CRB1: variants seen among roughly 807,000 people sequenced by gnomAD.
CRB1 encodes the protein protein crumbs homolog 1.
A neutral mutation model predicts 120.0 loss-of-function variants in CRB1; 83 were observed. The ratio of observed to expected loss-of-function variants is 0.69; its 90% CI spans 0.58 to 0.83. CRB1 has a LOEUF of 0.83. Ranked by LOEUF, CRB1 falls within the 40% of genes least tolerant of loss-of-function variation. The probability of loss-of-function intolerance (pLI) is 0.00; values close to 1 mark genes in which losing one functional copy is unlikely to be tolerated. For synonymous variants in CRB1, 625 were observed against 612.5 expected (o/e 1.02, Z -0.30); for missense variants, 1,699 against 1,687.6 (o/e 1.01, Z -0.12).
chr1:197,417,717 C>T (rs927510), intron 5 of CRB1, among the ~76,000 whole-genome samples: 58,997 of 152,012 alleles, frequency 0.39, 14,079 homozygotes, highest in East Asian at 0.66. Context: ...GTCTCAGAAA[C>T]CATGGAGCCA....
chr1:197,214,630 A>G, the CRB1 span, among the ~76,000 whole-genome samples: 1 of 152,162 alleles, frequency 6.6e-6, no homozygotes, highest in Admixed American at 6.5e-5. Context: ...TGAATCATGT[A>G]AAAAACAAAG....
intron 5 of CRB1, chr1:197,414,058 G>A: frequency 2.6e-6 from 1 of 392,092 alleles, no homozygotes; most frequent in Non-Finnish European, 5.3e-6. Context: ...TTTTTAAGAT[G>A]TTTATTTAGC....
At chr1:197,360,974 T>TA (rs1013118974) in intron 5 of CRB1, among the ~76,000 whole-genome samples, 2 of 152,222 alleles carry the variant, frequency 1.3e-5, no homozygotes, top group Non-Finnish European at 2.9e-5. Flanking sequence ...CATAAATGGG[T>TA]ATTGCATTTG....
At chr1:197,203,510 A>G in the CRB1 span, among the ~76,000 whole-genome samples, 1 of 152,042 alleles carries the variant, frequency 6.6e-6, no homozygotes, top group Admixed American at 6.5e-5. Context: ...TTTTTAGTAG[A>G]GAGGGGCTTT....
At chr1:197,362,281 T>C (rs1287031784) in intron 5 of CRB1, among the ~76,000 whole-genome samples, 3 of 152,148 alleles carry the variant, frequency 2.0e-5, no homozygotes, top group African/African-American at 7.2e-5. Context: ...ACAATCTATC[T>C]TGGTAAATGT....
chr1:197,328,219 T>G (rs1658629969), intron 1 of CRB1, among the ~76,000 whole-genome samples: 1 of 152,214 alleles, frequency 6.6e-6, no homozygotes. Flanking sequence ...ATTATCACTA[T>G]GAAAATTATT....
At chr1:197,201,566 G>T in the CRB1 span, among the ~76,000 whole-genome samples, 1 of 152,242 alleles carries the variant, frequency 6.6e-6, no homozygotes, top group Non-Finnish European at 1.5e-5. Context: ...GCAGTGGCTC[G>T]GTGGCCTACC....
At chr1:197,430,667 G>A (rs1161526958) in intron 8 of CRB1, among the ~76,000 whole-genome samples, 1 of 151,636 alleles carries the variant, frequency 6.6e-6, no homozygotes, top group Non-Finnish European at 1.5e-5. Flanking sequence ...CCTCCAACTT[G>A]GCTTTATTTT....
At position 197,434,701 on chromosome 1, in the gene CRB1, A is replaced by C. The variant is rs1357302085; in HGVS notation, c.2843-5A>C. On this transcript the variant is annotated splice_polypyrimidine_tract_variant and splice_region_variant and intron_variant, in intron 8 of 11. Coordinates refer to ENST00000367400, the MANE Select transcript of CRB1 (RefSeq NM_201253.3). The stretch of plus-strand genomic sequence containing the variant: ...TTATTGATTATTATCACCTTCTCTC[A>C]TTAGGTATTGCAAATGCTGTTTTTA... 4.3e-6 allele frequency: 7 copies of C among 1,610,562 alleles called. No individual in the cohort carries two copies. The highest frequency in any genetic ancestry group is 5.9e-6 in the Non-Finnish European group (7 of 1,177,168).
intron 5 of CRB1, among the ~76,000 whole-genome samples, chr1:197,418,676 C>T (rs561216035): frequency 3.3e-5 from 5 of 152,106 alleles, no homozygotes; most frequent in Non-Finnish European, 7.4e-5. Flanking sequence ...GGTTTTGGAT[C>T]AGATTAAATG....
intron 9 of CRB1, among the ~76,000 whole-genome samples, 198 bp downstream of exon 9, chr1:197,435,810 G>A (rs568847082): frequency 3.3e-5 from 5 of 152,220 alleles, no homozygotes; most frequent in South Asian, 2.1e-4. Flanking sequence ...CAGAAAGGTA[G>A]TGTTTAAATC....
chr1:197,262,754 C>T, the CRB1 span, among the ~76,000 whole-genome samples: 1 of 152,070 alleles, frequency 6.6e-6, no homozygotes, highest in East Asian at 1.9e-4. Context: ...TATTTAGCTC[C>T]CACTTATAAG....
chr1:197,453,169 G>C (rs1039886005), intron 11 of CRB1, among the ~76,000 whole-genome samples: 1 of 151,482 alleles, frequency 6.6e-6, no homozygotes, highest in African/African-American at 2.4e-5. Flanking sequence ...ATCTAGAAGA[G>C]TCAAACTCCT....
chr1:197,315,105 T>C (rs1181746870), intron 1 of CRB1, among the ~76,000 whole-genome samples: 1 of 152,216 alleles, frequency 6.6e-6, no homozygotes, highest in African/African-American at 2.4e-5. Context: ...CACTGGTGTA[T>C]TTATGTGTGT....
the CRB1 span, among the ~76,000 whole-genome samples, chr1:197,241,559 T>C: frequency 6.6e-6 from 1 of 152,338 alleles, no homozygotes; most frequent in African/African-American, 2.4e-5. Context: ...CATTGGTCTA[T>C]ATATCTGTTT....
At chr1:197,202,985 G>GTGTGTC in the CRB1 span, among the ~76,000 whole-genome samples, 2 of 149,962 alleles carry the variant, frequency 1.3e-5, no homozygotes, top group African/African-American at 4.9e-5. Context: ...GTGTGTGTCT[G>GTGTGTC]TGTGTGTGTG....
chr1:197,442,581 G>A (rs1665507684), intron 11 of CRB1: 2 of 1,378,430 alleles, frequency 1.5e-6, no homozygotes, highest in South Asian at 1.6e-5. Context: ...CTTTGTCTGT[G>A]TATAAAATAT....
chr1:197,268,090 G>T (rs1470193665), upstream of CRB1: 1 of 337,536 alleles, frequency 3.0e-6, no homozygotes, highest in East Asian at 6.5e-5. Flanking sequence ...TTCTAATGTA[G>T]GCCCTTTTGA....
chr1:197,471,547 G>A lies in CRB1; in HGVS notation c.4006-6117G>A, dbSNP rs528386988. On this transcript the variant is annotated intron_variant, in intron 11 of 11. Transcript: ENST00000367400. ...CTGCTCAGAGGGAAAGGTGCCTGGT[G>A]GCTCTCTGATCGCCATCCTTTCTTC... Among the ~76,000 whole-genome samples, 3 of 152,260 alleles carry A rather than the reference G, an allele frequency of 2.0e-5. No homozygotes were observed. The South Asian group carries it at 6.2e-4, about 32-fold the overall frequency.
Sources: gnomAD v4.1 joint callset for allele counts (sites outside exome capture counted in the v4.1 genomes callset) on GRCh38, gnomAD v4.1.1 for gene constraint, MANE v1.5 for transcripts, NCBI Gene and HGNC (gene_info 2026-07-23, HGNC 2026-07-21) for gene names.